GPHN: variants seen among roughly 807,000 people sequenced by gnomAD.
The protein encoded by GPHN is gephyrin.
A neutral mutation model predicts 95.5 loss-of-function variants in GPHN; 17 were observed. That is an observed-to-expected ratio of 0.18 (90% CI 0.12 to 0.27). GPHN has a LOEUF of 0.27. Ranked by LOEUF, GPHN falls within the 10% of genes least tolerant of loss-of-function variation. The pLI is 1.00. For missense variants in GPHN, 660 were observed against 978.1 expected (o/e 0.67, Z 4.34); for synonymous variants, 320 against 322.5 (o/e 0.99, Z 0.08).
intron 1 of GPHN, among the ~76,000 whole-genome samples, chr14:66,581,188 C>G (rs1457174027): frequency 6.9e-6 from 1 of 145,286 alleles, no homozygotes; most frequent in African/African-American, 2.6e-5. Flanking sequence ...ATGATAGGCC[C>G]AAAATTAACG....
At chr14:66,713,537 TTATAG>T (rs1162535152) in intron 2 of GPHN, among the ~76,000 whole-genome samples, 3 of 152,194 alleles carry the variant, frequency 2.0e-5, no homozygotes, top group Non-Finnish European at 4.4e-5. Flanking sequence ...GATTGTGGCC[TTATAG>T]TATAGTTTCA....
At chr14:66,762,039 G>A (rs140915684) in intron 2 of GPHN, among the ~76,000 whole-genome samples, 1 of 151,882 alleles carries the variant, frequency 6.6e-6, no homozygotes, top group African/African-American at 2.4e-5. Flanking sequence ...AAGTTATTAT[G>A]TGGTTTTCTT....
At chr14:66,556,927 C>G (rs1670136789) in intron 1 of GPHN, among the ~76,000 whole-genome samples, 1 of 152,114 alleles carries the variant, frequency 6.6e-6, no homozygotes, top group African/African-American at 2.4e-5. Context: ...AGGCTGAGTG[C>G]AGTTGCTCAT....
chr14:66,956,191 C>G (rs183904372), intron 8 of GPHN, among the ~76,000 whole-genome samples: 85 of 152,216 alleles, frequency 5.6e-4, no homozygotes, highest in African/African-American at 2.0e-3. Flanking sequence ...GATATGAAAT[C>G]TTTCTTCTTT....
At chr14:66,547,786 T>C (rs761832882) in intron 1 of GPHN, among the ~76,000 whole-genome samples, 1 of 152,240 alleles carries the variant, frequency 6.6e-6, no homozygotes, top group Non-Finnish European at 1.5e-5. Context: ...TGGGTTCATG[T>C]ACTGGTGTGC....
intron 4 of GPHN, among the ~76,000 whole-genome samples, chr14:66,835,832 C>T (rs957156261): frequency 3.3e-5 from 5 of 151,992 alleles, no homozygotes; most frequent in African/African-American, 1.2e-4. Flanking sequence ...TGAGTGAACT[C>T]CCATTCACAA....
the GPHN span, chr14:67,593,713 G>A: frequency 2.2e-6 from 3 of 1,360,446 alleles, no homozygotes; most frequent in Non-Finnish European, 3.2e-6. Flanking sequence ...CTCCAGAGAG[G>A]CCTGTAATAC....
the GPHN span, among the ~76,000 whole-genome samples, chr14:67,689,379 G>A: frequency 6.6e-6 from 1 of 152,190 alleles, no homozygotes; most frequent in Non-Finnish European, 1.5e-5. Context: ...AGAGTAGACA[G>A]TGCTAAGGAC....
At chr14:67,375,331 C>A in the GPHN span, among the ~76,000 whole-genome samples, 1 of 151,264 alleles carries the variant, frequency 6.6e-6, no homozygotes, top group Non-Finnish European at 1.5e-5. Context: ...TCTCAACTTA[C>A]TGCAACCACC....
intron 9 of GPHN, among the ~76,000 whole-genome samples, chr14:67,007,197 C>G (rs2072665081): frequency 6.6e-6 from 1 of 151,834 alleles, no homozygotes; most frequent in African/African-American, 2.4e-5. Context: ...TTTTTCTTTC[C>G]TTTTACATTA....
intron 1 of GPHN, among the ~76,000 whole-genome samples, chr14:66,597,446 G>C (rs1207118545): frequency 6.6e-6 from 1 of 152,184 alleles, no homozygotes; most frequent in Non-Finnish European, 1.5e-5. Flanking sequence ...TGGAGCTGGC[G>C]TATCAGCACT....
rs541020506 is a variant in GPHN at position 67,063,449 on chromosome 14, C to A, written c.1144+4663C>A. ...TGGTTCCATGTGAGCTTTAAAGTAG[C>A]CTTTTCCAATTCTGTGAAGAAAGTC... is the stretch of plus-strand genomic sequence containing the variant. On this transcript the variant is annotated intron_variant, in intron 11 of 22. Transcript: ENST00000478722. Among the ~76,000 whole-genome samples, 54 of 151,810 alleles carry A rather than the reference C, an allele frequency of 3.6e-4. 1 individual carries two copies. The highest frequency in any genetic ancestry group is 2.4e-4 in the Non-Finnish European group (16 of 67,816).
At chr14:67,684,900 A>T in the GPHN span, 1 of 774,742 alleles carries the variant, frequency 1.3e-6, no homozygotes, top group Non-Finnish European at 2.0e-6. Flanking sequence ...CTCTAGAGTT[A>T]AAAGACAAAA....
In GPHN at chr14:66,961,914, A is replaced by ATG. The variant is rs1355048015; in HGVS notation, c.829-3276_829-3275insGT. Among the ~76,000 whole-genome samples, 5 of 62,018 alleles carry ATG rather than the reference A, an allele frequency of 8.1e-5. 1 individual carries two copies. Among genetic ancestry groups the ATG allele is most frequent in the African/African-American group, 2.8e-4 (3 of 10,776 alleles). The allele number at this position is 62,018 out of a possible 152,430, so 40.7% of individuals were successfully genotyped here. A position where few individuals can be genotyped will look rare whatever the true frequency, so the allele number is the denominator to read the frequency against. ...TCCCTGAATGTGTATATATATATAT[A>ATG]TATATATATATATATATATATATAT... On this transcript the variant is annotated intron_variant, in intron 8 of 22. Transcript: ENST00000478722.
the GPHN span, among the ~76,000 whole-genome samples, chr14:67,352,317 A>G: frequency 6.6e-6 from 1 of 151,910 alleles, no homozygotes. Context: ...TAAAAATAAA[A>G]AAAATGAGCT....
At chr14:67,204,568 G>C in the GPHN span, 1 of 1,613,530 alleles carries the variant, frequency 6.2e-7, no homozygotes. Context: ...GACTCTTTCT[G>C]TGCATGATGC....
the GPHN span, chr14:67,580,003 C>T: frequency 4.7e-6 from 4 of 853,324 alleles, no homozygotes; most frequent in Non-Finnish European, 7.1e-6. Context: ...AAGGTGCTGC[C>T]CTAGTCAGCA....
At chr14:67,631,024 C>T in the GPHN span, among the ~76,000 whole-genome samples, 6 of 152,202 alleles carry the variant, frequency 3.9e-5, no homozygotes, top group Non-Finnish European at 8.8e-5. Flanking sequence ...ACCCCCTCCC[C>T]TCTGACAGTC....
At chr14:67,498,889 G>A in the GPHN span, among the ~76,000 whole-genome samples, 1 of 152,060 alleles carries the variant, frequency 6.6e-6, no homozygotes, top group Non-Finnish European at 1.5e-5. Flanking sequence ...GGCTGGTCTT[G>A]AACTCCTGAC....
Sources: gnomAD v4.1 joint callset for allele counts (sites outside exome capture counted in the v4.1 genomes callset) on GRCh38, gnomAD v4.1.1 for gene constraint, MANE v1.5 for transcripts, NCBI Gene and HGNC (gene_info 2026-07-23, HGNC 2026-07-21) for gene names.